The following EPHA5 variants were observed in gnomAD, a reference collection of about 807,000 sequenced individuals.
EPHA5 encodes the protein ephrin type-A receptor 5.
EPHA5 carries 60 observed loss-of-function variants against 105.0 expected under a neutral mutation model. The observed-to-expected ratio is 0.57, with a 90% CI of 0.46 to 0.71. EPHA5 has a LOEUF of 0.71. Among genes scored for constraint, EPHA5 ranks in the 30% least tolerant of loss-of-function variants. EPHA5 has a pLI of 0.00. For synonymous variants in EPHA5, 513 were observed against 449.1 expected (o/e 1.14, Z -1.80); for missense variants, 1,218 against 1,274.7 (o/e 0.96, Z 0.68).
At chr4:65,668,379 C>A (rs891439840) in intron 1 of EPHA5, among the ~76,000 whole-genome samples, 3 of 152,184 alleles carry the variant, frequency 2.0e-5, no homozygotes, top group East Asian at 3.9e-4. Context: ...TTGAGCCTCA[C>A]GCGTCGCATC....
intron 2 of EPHA5, among the ~76,000 whole-genome samples, chr4:65,604,614 GAA>G (rs1449101281): frequency 1.3e-5 from 2 of 151,914 alleles, no homozygotes; most frequent in Non-Finnish European, 2.9e-5. Context: ...GAAATTGACA[GAA>G]AGATTTTATT....
chr4:65,642,707 A>T (rs543919221), intron 2 of EPHA5, among the ~76,000 whole-genome samples: 7 of 151,956 alleles, frequency 4.6e-5, no homozygotes, highest in Non-Finnish European at 8.8e-5. Context: ...GAAAATGAAA[A>T]TTTTGCCTCT....
chr4:65,527,835 C>T (rs1342275260), intron 3 of EPHA5, among the ~76,000 whole-genome samples: 2 of 151,968 alleles, frequency 1.3e-5, no homozygotes, highest in African/African-American at 4.8e-5. Flanking sequence ...TGATTCTCTC[C>T]CTCCTCCCAT....
intron 3 of EPHA5, among the ~76,000 whole-genome samples, chr4:65,564,442 G>T (rs944708237): frequency 1.8e-4 from 27 of 151,630 alleles, no homozygotes. Context: ...TATGGTTTTG[G>T]TTTTTGTGAA....
intron 3 of EPHA5, among the ~76,000 whole-genome samples, chr4:65,566,222 G>A (rs1339870844): frequency 6.6e-6 from 1 of 151,826 alleles, no homozygotes; most frequent in African/African-American, 2.4e-5. Flanking sequence ...CAACAAAGAT[G>A]TTCAGTGTAC....
rs1280610278 is a variant in EPHA5, at chr4:65,365,059, C to T, written c.2131G>A (p.Asp711Asn). Residue 711 changes from aspartate to asparagine, a missense_variant, in exon 11 of 17, where the codon GAT becomes AAT. This residue lies in a region of EPHA5 where 971 missense variants were observed against 1,013.5 expected (regional missense o/e 0.96). Transcript: ENST00000613740. ...TCTAAATGGATGATGTTAGGATGAT[C>T]AAACTGTCCCATGATACTTGCTTCA... ...LGEASIMGQF[D>N]HPNIIHLEGV... 1.9e-6 allele frequency: 3 copies of T among 1,611,580 alleles called. No individual in the cohort carries two copies. The highest frequency in any genetic ancestry group is 2.5e-6 in the Non-Finnish European group (3 of 1,178,326).
rs377291349 is a variant in EPHA5 at position 65,367,427 on chromosome 4, G to T, written c.1794-3C>A. The T allele has an allele frequency of 1.9e-6, 3 of 1,611,712 alleles. No individual in the cohort carries two copies. The highest frequency in any genetic ancestry group is 1.7e-6 in the Non-Finnish European group (2 of 1,178,942). On this transcript the variant is annotated splice_polypyrimidine_tract_variant and splice_region_variant and intron_variant, in intron 8 of 16. Coordinates refer to ENST00000613740, the MANE Select transcript of EPHA5 (RefSeq NM_001281766.3). ...TTGCTTTGCTGTAGCCACACCGCCT[G>T]GAACAAAGTAAGCTAGAATTAGCCA... is the stretch of plus-strand genomic sequence containing the variant.
intron 1 of EPHA5, among the ~76,000 whole-genome samples, chr4:65,666,339 A>T (rs1023746878): frequency 7.2e-5 from 11 of 152,160 alleles, no homozygotes; most frequent in African/African-American, 2.4e-4. Flanking sequence ...ACTGCGGGTG[A>T]ATCATTTTCA....
At chr4:65,605,486 A>T (rs1227702834) in intron 2 of EPHA5, among the ~76,000 whole-genome samples, 2 of 152,128 alleles carry the variant, frequency 1.3e-5, no homozygotes. Flanking sequence ...GCTTGAAAAT[A>T]CTGACTCATG....
chr4:65,436,998 A>G (rs1364413164), intron 5 of EPHA5, among the ~76,000 whole-genome samples: 2 of 152,026 alleles, frequency 1.3e-5, no homozygotes, highest in Non-Finnish European at 2.9e-5. Context: ...CCAGGAATTT[A>G]TTAATGGTGT....
At chr4:65,558,784 T>G (rs1315492798) in intron 3 of EPHA5, among the ~76,000 whole-genome samples, 1 of 152,162 alleles carries the variant, frequency 6.6e-6, no homozygotes, top group South Asian at 2.1e-4. Flanking sequence ...GAAGGTTTGT[T>G]GCTGAAATTT....
chr4:65,602,388 C>T (rs750840263), intron 2 of EPHA5, 84 bp from the exon 3 acceptor site: 1 of 1,075,964 alleles, frequency 9.3e-7, no homozygotes, highest in Non-Finnish European at 1.3e-6. Context: ...TAAAAGAAAA[C>T]TAACTGAGAT....
chr4:65,549,280 T>A (rs1380426552), intron 3 of EPHA5, among the ~76,000 whole-genome samples: 2 of 152,094 alleles, frequency 1.3e-5, no homozygotes, highest in Non-Finnish European at 2.9e-5. Context: ...AAAGCATCCT[T>A]AAGATTCAAA....
intron 2 of EPHA5, among the ~76,000 whole-genome samples, chr4:65,633,146 C>G (rs534331339): frequency 1.3e-5 from 2 of 152,002 alleles, no homozygotes; most frequent in South Asian, 4.1e-4. Context: ...CAATGAATAG[C>G]AAAAGCCTCA....
At chr4:65,614,369 A>C (rs539705527) in intron 2 of EPHA5, among the ~76,000 whole-genome samples, 1 of 151,994 alleles carries the variant, frequency 6.6e-6, no homozygotes, top group Admixed American at 6.6e-5. Context: ...TATAGTAAAG[A>C]AACAGAATGT....
At chr4:65,327,675 C>A (rs1720214313) in intron 16 of EPHA5, among the ~76,000 whole-genome samples, 1 of 151,198 alleles carries the variant, frequency 6.6e-6, no homozygotes, top group Non-Finnish European at 1.5e-5. Flanking sequence ...ATGATTTATG[C>A]AAGTTAAAAT....
At chr4:65,647,696 A>T (rs1412032258) in intron 1 of EPHA5, among the ~76,000 whole-genome samples, 8 of 152,162 alleles carry the variant, frequency 5.3e-5, no homozygotes, top group African/African-American at 1.7e-4. Flanking sequence ...TTTATATTTT[A>T]AAATACAGTC....
At chr4:65,348,659 G>GAGATATATAT (rs1553896614) in intron 13 of EPHA5, among the ~76,000 whole-genome samples, 8 of 60,228 alleles carry the variant, frequency 1.3e-4, no homozygotes, top group African/African-American at 4.7e-4. Context: ...AAACATTGGA[G>GAGATATATAT]ATATATATAT....
intron 3 of EPHA5, among the ~76,000 whole-genome samples, chr4:65,548,215 G>C (rs35053807): frequency 0.07 from 4,955 of 70,816 alleles, 1,043 homozygotes; most frequent in African/African-American, 0.11. Flanking sequence ...TGTTTAATAA[G>C]AAAAATGCAA....
Sources: gnomAD v4.1 joint callset for allele counts (sites outside exome capture counted in the v4.1 genomes callset) on GRCh38, gnomAD v4.1.1 for gene constraint, gnomAD v4.1.1 regional missense constraint, MANE v1.5 for transcripts, NCBI Gene and HGNC (gene_info 2026-07-23, HGNC 2026-07-21) for gene names.